The following CERS1 variants were observed in gnomAD, a reference collection of about 807,000 sequenced individuals.
The protein encoded by CERS1 is ceramide synthase 1, also known as Embryonic growth/differentiation factor 1.
CERS1 carries 16 observed loss-of-function variants against 35.7 expected under a neutral mutation model. The observed-to-expected ratio is 0.45, with a 90% CI of 0.30 to 0.68. The LOEUF is 0.68. Ranked by LOEUF, CERS1 falls within the 30% of genes least tolerant of loss-of-function variation. CERS1 has a pLI of 0.08. For missense variants in CERS1, 454 were observed against 453.9 expected, an observed-to-expected ratio of 1.00 and a Z score of 0.00; for synonymous variants, 243 against 201.6, an observed-to-expected ratio of 1.21 and a Z score of -1.74.
intron 2 of CERS1, among the ~76,000 whole-genome samples, chr19:18,888,530 A>AC (rs1270214977): frequency 6.9e-6 from 1 of 144,338 alleles, no homozygotes; most frequent in African/African-American, 2.6e-5. Context: ...AAAAAAAAAA[A>AC]AAAAAAAAAA....
chr19:18,882,742 G>A (rs1315243319), intron 3 of CERS1, among the ~76,000 whole-genome samples: 1 of 151,964 alleles, frequency 6.6e-6, no homozygotes, highest in Non-Finnish European at 1.5e-5. Flanking sequence ...GCCCAGGCTG[G>A]AGTGCAGTGG....
intron 3 of CERS1, among the ~76,000 whole-genome samples, chr19:18,881,450 C>T (rs762095080): frequency 1.3e-5 from 2 of 151,546 alleles, no homozygotes; most frequent in Non-Finnish European, 2.9e-5. Flanking sequence ...GAATTCCCAA[C>T]CTCATGTGAC....
Position 18,893,496 on chromosome 19 carries a change from A to C in CERS1, c.329T>G (p.Leu110Arg). The C allele has an allele frequency of 6.2e-7, 1 of 1,609,236 alleles. No individual in the cohort carries two copies. Among genetic ancestry groups the C allele is most frequent in the Non-Finnish European group, 8.5e-7 (1 of 1,178,090 alleles). Residue 110 changes from leucine (L) to arginine (R), a missense_variant, in exon 2 of 8, where the codon CTG becomes CGG. By Grantham distance (102) the Leu-to-Arg change is moderately radical (BLOSUM62 -2). Coordinates refer to ENST00000623882, the MANE Select transcript of CERS1 (RefSeq NM_021267.5). ...GTAGGCACTGTAGCTCCAGCTGCCC[A>C]GGTAGAAGAGAAACTTCCAAGCGCT... ...PESAWKFLFY[L>R]GSWSYSAYLL...
chr19:18,873,079 G>A (rs1365938975), intron 6 of CERS1, among the ~76,000 whole-genome samples: 1 of 151,914 alleles, frequency 6.6e-6, no homozygotes, highest in Non-Finnish European at 1.5e-5. Flanking sequence ...AGATGAGGAG[G>A]AGAGGGAGAC....
At chr19:18,892,986 G>A (rs997636690) in intron 2 of CERS1, among the ~76,000 whole-genome samples, 13 of 143,806 alleles carry the variant, frequency 9.0e-5, no homozygotes, top group Admixed American at 7.6e-4. Context: ...GCGCGAACTC[G>A]GCTCACTGCA....
At chr19:18,891,488 C>T (rs1418480512) in intron 2 of CERS1, among the ~76,000 whole-genome samples, 6 of 152,174 alleles carry the variant, frequency 3.9e-5, no homozygotes, top group Non-Finnish European at 5.9e-5. Context: ...ACACAGAGCG[C>T]GCTGCAGTCA....
chr19:18,869,250 C>T lies in CERS1; in HGVS notation c.*735G>A. ...TCCCAGCCGCCCTCCGGGGCTGCCG[C>T]CGCCGCCGCCGCGAAACGCAGCTCC... is the stretch of plus-strand genomic sequence containing the variant. On this transcript the variant is annotated 3_prime_UTR_variant, in exon 8 of 8. Coordinates refer to ENST00000623882, the MANE Select transcript of CERS1 (RefSeq NM_021267.5). 1 of 1,438,670 alleles carries T rather than the reference C, an allele frequency of 7.0e-7. No individual in the cohort carries two copies. 89.1% of individuals were successfully genotyped at this position (1,438,670 alleles called of 1,614,324 possible). A position where few individuals can be genotyped will look rare whatever the true frequency, so the allele number is the denominator to read the frequency against.
intron 3 of CERS1, among the ~76,000 whole-genome samples, chr19:18,881,076 G>A (rs1335504850): frequency 6.6e-6 from 1 of 152,008 alleles, no homozygotes; most frequent in African/African-American, 2.4e-5. Flanking sequence ...CAGGCCTGGG[G>A]TACTCTGTGT....
intron 1 of CERS1, among the ~76,000 whole-genome samples, chr19:18,894,051 C>T (rs1161351632): frequency 7.0e-6 from 1 of 143,684 alleles, no homozygotes; most frequent in Non-Finnish European, 1.5e-5. Flanking sequence ...TCTGGAGAGG[C>T]TAGAGGGCTG....
chr19:18,888,951 G>T (rs1172095552), intron 2 of CERS1, among the ~76,000 whole-genome samples: 1 of 144,540 alleles, frequency 6.9e-6, no homozygotes, highest in Non-Finnish European at 1.5e-5. Flanking sequence ...GAGTGCAGTA[G>T]CATGATCTCG....
intron 6 of CERS1, among the ~76,000 whole-genome samples, chr19:18,874,820 TGG>T (rs1254300361): frequency 6.6e-6 from 1 of 151,988 alleles, no homozygotes; most frequent in African/African-American, 2.4e-5. Flanking sequence ...GAAGCAGCAA[TGG>T]GGTGAGATGG....
At chr19:18,890,902 T>C (rs1307753813) in intron 2 of CERS1, among the ~76,000 whole-genome samples, 4 of 149,780 alleles carry the variant, frequency 2.7e-5, no homozygotes, top group Non-Finnish European at 5.9e-5. Flanking sequence ...GGCGGGCGGA[T>C]CACCTGAGGT....
intron 1 of CERS1, among the ~76,000 whole-genome samples, chr19:18,894,404 C>T (rs1015259907): frequency 6.6e-6 from 1 of 152,128 alleles, no homozygotes; most frequent in Non-Finnish European, 1.5e-5. Flanking sequence ...TAACCCCTGG[C>T]AACCAGGCTG....
At chr19:18,880,132 T>C in intron 4 of CERS1, 142 bp downstream of exon 4, 1 of 607,908 alleles carries the variant, frequency 1.6e-6, no homozygotes, top group South Asian at 2.1e-5. Context: ...CCCACCCAAA[T>C]CATGAGGCCC....
chr19:18,877,863 CCT>C lies in CERS1; in HGVS notation c.1010+1065_1010+1066del, dbSNP rs200414993. The C allele has an allele frequency of 3.5e-3, 2,144 of 618,812 alleles. 35 individuals carry two copies. In the African/African-American group the frequency reaches 0.038, roughly 11 times the overall value. The allele number at this position is 618,812 out of a possible 1,614,324, so 38.3% of individuals were successfully genotyped here. On this transcript the variant is annotated intron_variant, in intron 6 of 7. Transcript: ENST00000623882. ...CCGCATCTGCCAGAACCCATGTGAC[CCT>C]CTGCCCCAATCCCATCTCAGTCAAT...
At chr19:18,879,456 C>T in intron 4 of CERS1, 68 bp from the exon 5 acceptor site, 3 of 1,525,392 alleles carry the variant, frequency 2.0e-6, no homozygotes, top group Non-Finnish European at 2.6e-6. Context: ...CCTGTCCTAT[C>T]CCGTCCTAGA....
intron 6 of CERS1, among the ~76,000 whole-genome samples, chr19:18,876,077 C>T (rs934028953): frequency 6.6e-6 from 1 of 152,178 alleles, no homozygotes; most frequent in Non-Finnish European, 1.5e-5. Context: ...CTCTGCCTCC[C>T]GAGTTCAAGC....
Position 18,870,021 on chromosome 19 carries a change from C to T in CERS1, c.*556G>A. ...GTGGCGCACGATGTTTCCGGCGACC[C>T]CCAGCTCCTCCACGTGGCACGGTTG... On this transcript the variant is annotated 3_prime_UTR_variant, in exon 7 of 8. Coordinates refer to ENST00000623882, the MANE Select transcript of CERS1 (RefSeq NM_021267.5). This position sits in a 1 kb window ranked among gnomAD's most constrained non-coding sequence, Gnocchi z 5.1. 6.3e-7 allele frequency: 1 copy of T among 1,596,726 alleles called. No homozygotes were observed. The highest frequency in any genetic ancestry group is 1.7e-5 in the Admixed American group (1 of 58,440).
intron 2 of CERS1, 27 bp from the exon 3 acceptor site, chr19:18,884,294 G>A: frequency 6.3e-7 from 1 of 1,593,030 alleles, no homozygotes; most frequent in South Asian, 1.1e-5. Flanking sequence ...CTCACAGTCA[G>A]GGCCCTGCGA....
Sources: gnomAD v4.1 joint callset for allele counts (sites outside exome capture counted in the v4.1 genomes callset) on GRCh38, gnomAD v4.1.1 for gene constraint, Gnocchi (gnomAD v3.1) non-coding constraint, MANE v1.5 for transcripts, NCBI Gene and HGNC (gene_info 2026-07-23, HGNC 2026-07-21) for gene names.